Variants in DZIP3 observed in about 807,000 individuals in gnomAD.
DZIP3 encodes the protein E3 ubiquitin-protein ligase DZIP3.
A neutral mutation model predicts 162.0 loss-of-function variants in DZIP3; 118 were observed. That is an observed-to-expected ratio of 0.73 (90% confidence interval 0.63 to 0.85). DZIP3 has a LOEUF of 0.85. DZIP3 is among the 40% of genes least tolerant of loss of function. The pLI is 0.00. For missense variants in DZIP3, 1,331 were observed against 1,407.0 expected (o/e 0.95, Z 0.86); for synonymous variants, 438 against 458.6 (o/e 0.96, Z 0.57).
intron 8 of DZIP3, among the ~76,000 whole-genome samples, chr3:108,631,055 A>ACACACACACACACAGACACTCTCTCT: frequency 2.2e-4 from 4 of 18,014 alleles, no homozygotes; most frequent in Admixed American, 8.5e-4. Flanking sequence ...ACACACACAC[A>ACACACACACACACAGACACTCTCTCT]CTCTCTCTCT....
intron 19 of DZIP3, chr3:108,654,526 A>G: frequency 2.0e-6 from 1 of 493,888 alleles, no homozygotes; most frequent in Non-Finnish European, 3.6e-6. Context: ...TTAGCCCTCA[A>G]ACCATTTCCT....
intron 22 of DZIP3, 66 bp downstream of exon 22, chr3:108,669,815 G>T: frequency 7.8e-7 from 1 of 1,288,696 alleles, no homozygotes; most frequent in Non-Finnish European, 1.1e-6. Context: ...ACACTTTCTG[G>T]CTGGCATATT....
chr3:108,664,261 T>C (rs1482725802), intron 21 of DZIP3, among the ~76,000 whole-genome samples: 1 of 152,132 alleles, frequency 6.6e-6, no homozygotes, highest in African/African-American at 2.4e-5. Flanking sequence ...AAGGAAATTA[T>C]AACAATAGAA....
At position 108,684,303 on chromosome 3, in the gene DZIP3, G is replaced by A; in HGVS notation, c.2971G>A (p.Gly991Arg). 6.2e-7 allele frequency: 1 copy of A among 1,612,794 alleles called. No individual in the cohort carries two copies. The highest frequency in any genetic ancestry group is 8.5e-7 in the Non-Finnish European group (1 of 1,179,414). Reference protein sequence around the residue: ...TVPQMPAVCPGVVSATGQPRA... With the variant: ...TVPQMPAVCPRVVSATGQPRA... ...TCCTCAAATGCCTGCAGTTTGCCCG[G>A]GAGTCGTCTCTGCAACTGGCCAACC... Residue 991 changes from glycine (G) to arginine (R), a missense_variant, in exon 27 of 33, where the codon GGA becomes AGA. Physicochemically the swap from Gly to Arg is moderately radical, Grantham distance 125. Transcript: ENST00000361582.
At chr3:108,680,783 C>T (rs994041732) in intron 26 of DZIP3, among the ~76,000 whole-genome samples, 4 of 152,066 alleles carry the variant, frequency 2.6e-5, no homozygotes, top group African/African-American at 4.8e-5. Flanking sequence ...AGAACAGAAG[C>T]CTCAGAAATA....
rs143928217 is a variant in DZIP3, at chr3:108,694,464, A to G, written c.*1111A>G. 1,798 of 156,730 alleles carry G rather than the reference A, an allele frequency of 0.011. 40 individuals carry two copies. The highest frequency in any genetic ancestry group is 0.041 in the African/African-American group (1,710 of 41,650). The allele number at this position is 156,730 out of a possible 1,614,324, so 9.7% of individuals were successfully genotyped here. A position where few individuals can be genotyped will look rare whatever the true frequency, so the allele number is the denominator to read the frequency against. The stretch of plus-strand genomic sequence containing the variant: ...AACGGACTTACAGTTCCACATGACT[A>G]AGGAGGCCTCACAATCATGGTGGAA... On this transcript the variant is annotated 3_prime_UTR_variant, in exon 33 of 33. Coordinates refer to ENST00000361582, the MANE Select transcript of DZIP3 (RefSeq NM_014648.4).
rs772299124 is a variant in DZIP3, at chr3:108,690,917, T to C, written c.*6+14T>C. 14 of 1,610,100 alleles carry C rather than the reference T, an allele frequency of 8.7e-6. No individual in the cohort carries two copies. The highest frequency in any genetic ancestry group is 1.2e-5 in the Non-Finnish European group (14 of 1,176,608). On this transcript the variant is annotated intron_variant, in intron 32 of 32. Coordinates refer to ENST00000361582, the MANE Select transcript of DZIP3 (RefSeq NM_014648.4). The stretch of plus-strand genomic sequence containing the variant: ...ATCTGATACAAGGTCGGGGTGTCTA[T>C]GCAAAGGAAGCTCAGTTTTCTTTTA...
chr3:108,629,060 A>C lies in DZIP3; in HGVS notation c.582-2A>C. The C allele has an allele frequency of 2.6e-6, 4 of 1,567,586 alleles. No homozygotes were observed. Among genetic ancestry groups the C allele is most frequent in the Non-Finnish European group, 3.5e-6 (4 of 1,157,714 alleles). The stretch of plus-strand genomic sequence containing the variant: ...CTAACCTTATTTTAAAATGCCTTTC[A>C]GATATAATGGAGGACTGCTAGAATT... On this transcript the variant is annotated splice_acceptor_variant, in intron 7 of 32. Coordinates refer to ENST00000361582, the MANE Select transcript of DZIP3 (RefSeq NM_014648.4). LOFTEE classifies it high-confidence loss of function.
At chr3:108,637,001 A>G (rs1420714928) in intron 11 of DZIP3, among the ~76,000 whole-genome samples, 1 of 152,066 alleles carries the variant, frequency 6.6e-6, no homozygotes, top group Non-Finnish European at 1.5e-5. Context: ...AAGGATAATT[A>G]ATCCTTTGAC....
At chr3:108,691,202 A>C (rs968035689) in intron 32 of DZIP3, 7 of 210,452 alleles carry the variant, frequency 3.3e-5, no homozygotes, top group South Asian at 2.1e-4. Context: ...TTAAATTCTT[A>C]TTTCACTCAT....
intron 8 of DZIP3, among the ~76,000 whole-genome samples, chr3:108,631,556 A>T (rs1014622338): frequency 1.4e-5 from 2 of 146,434 alleles, no homozygotes; most frequent in African/African-American, 5.0e-5. Flanking sequence ...TTTTAAAAAA[A>T]ATTATTATTA....
intron 8 of DZIP3, 64 bp from the exon 9 acceptor site, chr3:108,632,889 C>A: frequency 9.8e-7 from 1 of 1,019,346 alleles, no homozygotes; most frequent in South Asian, 3.2e-5. Context: ...CATGGGTAGT[C>A]TTAATTGTGG....
At chr3:108,672,721 C>G in intron 23 of DZIP3, 65 bp downstream of exon 23, 2 of 1,209,720 alleles carry the variant, frequency 1.7e-6, no homozygotes, top group Non-Finnish European at 2.4e-6. Context: ...TACCATCATA[C>G]TAAAGAATTT....
At position 108,694,770 on chromosome 3, in the gene DZIP3, T is replaced by C. The variant is rs575250344; in HGVS notation, c.*1417T>C. ...ATAGCTAGTTATCTTGTAAAACCAA[T>C]GTTTCTTAGTTCATACTTACAACTG... On this transcript the variant is annotated 3_prime_UTR_variant, in exon 33 of 33. Transcript: ENST00000361582. 1.4e-4 allele frequency: 22 copies of C among 152,348 alleles called. No individual in the cohort carries two copies. Among genetic ancestry groups the C allele is most frequent in the African/African-American group, 5.3e-4 (22 of 41,580 alleles). 9.4% of individuals were successfully genotyped at this position (152,348 alleles called of 1,614,324 possible).
chr3:108,632,255 T>G (rs1941923690), intron 8 of DZIP3, among the ~76,000 whole-genome samples: 1 of 152,152 alleles, frequency 6.6e-6, no homozygotes. Flanking sequence ...ATTTTATTTT[T>G]TAGAGATAGA....
chr3:108,619,568 A>T (rs1296198953), intron 5 of DZIP3, among the ~76,000 whole-genome samples: 1 of 152,078 alleles, frequency 6.6e-6, no homozygotes, highest in Non-Finnish European at 1.5e-5. Flanking sequence ...TTGAGATGAG[A>T]TGTCCAAGCT....
intron 25 of DZIP3, 62 bp downstream of exon 25, chr3:108,675,935 A>G: frequency 4.3e-6 from 6 of 1,388,146 alleles, no homozygotes; most frequent in Admixed American, 2.1e-5. Flanking sequence ...TAAAGTTAGA[A>G]GACATATTAG....
chr3:108,683,267 A>T (rs1944383964), intron 26 of DZIP3, among the ~76,000 whole-genome samples: 2 of 150,900 alleles, frequency 1.3e-5, no homozygotes, highest in East Asian at 3.9e-4. Context: ...TCCAGTTAGA[A>T]TTTTTGTTTC....
Position 108,605,450 on chromosome 3 carries a change from G to C in DZIP3, c.32+12G>C. The C allele has an allele frequency of 3.1e-6, 5 of 1,612,798 alleles. No homozygotes were observed. The highest frequency in any genetic ancestry group is 4.2e-6 in the Non-Finnish European group (5 of 1,179,488). ...GAATTTTTTGTGAGGTAAGGCCACAGTCCCCAACCTTTTTGGCACCATGGA... is the reference window on the plus strand; with the variant it reads ...GAATTTTTTGTGAGGTAAGGCCACACTCCCCAACCTTTTTGGCACCATGGA... On this transcript the variant is annotated intron_variant, in intron 2 of 32. Transcript: ENST00000361582.
Sources: allele counts gnomAD v4.1 joint callset (sites outside exome capture counted in the v4.1 genomes callset), GRCh38; gene constraint gnomAD v4.1.1; transcripts MANE v1.5; gene names NCBI Gene and HGNC (gene_info 2026-07-23, HGNC 2026-07-21).